The following TRAM2 variants were observed in gnomAD, a reference collection of about 807,000 sequenced individuals.
The protein encoded by TRAM2 is translocation associated membrane protein 2.
Under a neutral mutation model 51.0 loss-of-function variants are expected in TRAM2, and 12 were observed. The ratio of observed to expected loss-of-function variants is 0.24; its 90% CI spans 0.15 to 0.38. The LOEUF (loss-of-function observed/expected upper bound fraction) is 0.38, where lower values mean the gene tolerates loss of function less well. Among genes scored for constraint, TRAM2 ranks in the 10% least tolerant of loss-of-function variants. The pLI, the probability that TRAM2 is intolerant of heterozygous loss-of-function variation, is 1.00. For missense variants in TRAM2, 361 were observed against 462.0 expected (o/e 0.78, Z 2.00); for synonymous variants, 175 against 179.4 (o/e 0.98, Z 0.20).
rs9688915 is a variant in TRAM2 at position 52,506,141 on chromosome 6, G to A, written c.627-5C>T. The A allele has an allele frequency of 0.067, 107,524 of 1,612,948 alleles. 4,037 individuals carry two copies. Among genetic ancestry groups the A allele is most frequent in the East Asian group, 0.18 (8,052 of 44,866 alleles). ...ATCAGGCCCAGGCGGCTCAGGCTGG[G>A]GGTGGGGAAGACTAGACTTACATTC... On this transcript the variant is annotated splice_region_variant and splice_polypyrimidine_tract_variant and intron_variant, in intron 7 of 10. Transcript: ENST00000182527.
intron 1 of TRAM2, among the ~76,000 whole-genome samples, chr6:52,566,109 A>G (rs184965704): frequency 6.6e-6 from 1 of 152,350 alleles, no homozygotes; most frequent in East Asian, 1.9e-4. Flanking sequence ...AGGACACTTC[A>G]GTGATAAAGC....
At chr6:52,562,757 T>A (rs1164000185) in intron 1 of TRAM2, among the ~76,000 whole-genome samples, 1 of 152,124 alleles carries the variant, frequency 6.6e-6, no homozygotes, top group Non-Finnish European at 1.5e-5. Context: ...CCCCTCCCTA[T>A]GTCAACGTGT....
intron 1 of TRAM2, among the ~76,000 whole-genome samples, chr6:52,539,475 C>G (rs1360663899): frequency 6.6e-6 from 1 of 152,036 alleles, no homozygotes; most frequent in Non-Finnish European, 1.5e-5. Context: ...ACCTGAACGT[C>G]AGCACCATGA....
intron 2 of TRAM2, among the ~76,000 whole-genome samples, chr6:52,521,118 C>T (rs950093271): frequency 1.3e-4 from 20 of 151,814 alleles, no homozygotes; most frequent in Admixed American, 3.3e-4. Context: ...CCATGTTGGC[C>T]AGGCTGGTCT....
intron 1 of TRAM2, among the ~76,000 whole-genome samples, chr6:52,567,987 T>G (rs929629955): frequency 6.6e-6 from 1 of 152,232 alleles, no homozygotes; most frequent in African/African-American, 2.4e-5. Flanking sequence ...AATTTGAGTT[T>G]TATACACATT....
intron 2 of TRAM2, chr6:52,517,439 T>C (rs1766572599): frequency 6.6e-6 from 1 of 152,268 alleles, no homozygotes; most frequent in African/African-American, 2.4e-5. Flanking sequence ...ATGAGATAAT[T>C]TGCTTACAAC....
At chr6:52,542,222 T>G (rs924999380) in intron 1 of TRAM2, among the ~76,000 whole-genome samples, 1 of 151,730 alleles carries the variant, frequency 6.6e-6, no homozygotes, top group Admixed American at 6.6e-5. Flanking sequence ...CAAGAAAACC[T>G]TGGAAAGTTA....
At chr6:52,576,760 A>C in intron 1 of TRAM2, 36 bp downstream of exon 1, 1 of 1,605,910 alleles carries the variant, frequency 6.2e-7, no homozygotes, top group Non-Finnish European at 8.5e-7. Context: ...GACAGGGGGC[A>C]CTGTCCCTCC....
At chr6:52,551,655 T>G (rs1767311721) in intron 1 of TRAM2, among the ~76,000 whole-genome samples, 1 of 152,248 alleles carries the variant, frequency 6.6e-6, no homozygotes, top group Non-Finnish European at 1.5e-5. Context: ...GTTTGGAATC[T>G]GCTGAGTCTC....
At position 52,520,518 on chromosome 6, in the gene TRAM2, G is replaced by A. The variant is rs572902081; in HGVS notation, c.185-3781C>T. On this transcript the variant is annotated intron_variant, in intron 2 of 10. Transcript: ENST00000182527. ...AGAACCAGCTAACAGCTGGCTACGC[G>A]GATGGATTCTCAAGTTCCTTCTGGA... is the stretch of plus-strand genomic sequence containing the variant. Among the ~76,000 whole-genome samples, 6 of 152,332 alleles carry A rather than the reference G, an allele frequency of 3.9e-5. No individual in the cohort carries two copies. The South Asian group carries it at 6.2e-4, about 16-fold the overall frequency.
rs755344750 is a variant in TRAM2, at chr6:52,504,593, G to C, written c.1037C>G (p.Ser346Cys). ...CTGCCAAGGGCCCTGGCACTCACCA[G>C]ATTCCCTCTTGATGAGCCTGGCTGG... ...RLPARLIKRE[S>C]GYHENGVVKA... is the part of the protein sequence containing the mutation. Residue 346 changes from serine (S) to cysteine (C), a missense_variant and splice_region_variant, in exon 10 of 11, where the codon TCT becomes TGT. By Grantham distance (112) the Ser-to-Cys change is moderately radical. Coordinates refer to ENST00000182527, the MANE Select transcript of TRAM2 (RefSeq NM_012288.4). 6.2e-7 allele frequency: 1 copy of C among 1,613,996 alleles called. No homozygotes were observed. The highest frequency in any genetic ancestry group is 8.5e-7 in the Non-Finnish European group (1 of 1,180,044).
Position 52,501,910 on chromosome 6 carries a change from C to G in TRAM2, c.*1287G>C, listed in dbSNP as rs1766235550. On this transcript the variant is annotated 3_prime_UTR_variant, in exon 11 of 11. Transcript: ENST00000182527. ...AAGTCCTCACAAGGCACCAAAAGGACTTGGAGGCCTTCTCTTCAGGTGGAG... is the reference window on the plus strand; with the variant it reads ...AAGTCCTCACAAGGCACCAAAAGGAGTTGGAGGCCTTCTCTTCAGGTGGAG... 6.6e-6 allele frequency: 1 copy of G among 152,196 alleles called. No homozygotes were observed. Among genetic ancestry groups the G allele is most frequent in the Non-Finnish European group, 1.5e-5 (1 of 68,054 alleles). The allele number at this position is 152,196 out of a possible 1,614,324, so 9.4% of individuals were successfully genotyped here.
intron 1 of TRAM2, among the ~76,000 whole-genome samples, chr6:52,545,693 AG>A (rs1181357177): frequency 6.6e-6 from 1 of 151,730 alleles, no homozygotes; most frequent in African/African-American, 2.4e-5. Context: ...ACCAACCCCA[AG>A]TGCTGTTTCT....
At chr6:52,539,179 T>C (rs1767031822) in intron 1 of TRAM2, among the ~76,000 whole-genome samples, 1 of 152,076 alleles carries the variant, frequency 6.6e-6, no homozygotes, top group Admixed American at 6.5e-5. Context: ...TTTTAAATAG[T>C]GAAATCACCA....
chr6:52,536,349 C>G (rs371031062), intron 1 of TRAM2, among the ~76,000 whole-genome samples: 2 of 152,238 alleles, frequency 1.3e-5, no homozygotes, highest in Admixed American at 6.5e-5. Context: ...AATTTCACAT[C>G]TACCTTACTG....
At chr6:52,516,504 C>T (rs73447916) in intron 3 of TRAM2, 124 bp downstream of exon 3, 1 of 798,262 alleles carries the variant, frequency 1.3e-6, no homozygotes, top group African/African-American at 1.7e-5. Flanking sequence ...AGGCAATAGA[C>T]CCAACCAGTG....
chr6:52,560,356 C>A (rs749937194), intron 1 of TRAM2, among the ~76,000 whole-genome samples: 3 of 152,102 alleles, frequency 2.0e-5, no homozygotes, highest in Non-Finnish European at 4.4e-5. Flanking sequence ...TGTGTATGAT[C>A]TTTCCAGGTG....
intron 1 of TRAM2, among the ~76,000 whole-genome samples, chr6:52,565,551 C>T (rs1767576376): frequency 6.6e-6 from 1 of 152,002 alleles, no homozygotes; most frequent in Non-Finnish European, 1.5e-5. Flanking sequence ...TAAGAAGACC[C>T]CTAGATACTA....
intron 1 of TRAM2, among the ~76,000 whole-genome samples, chr6:52,549,293 G>C: frequency 8.7e-6 from 1 of 115,148 alleles, no homozygotes; most frequent in Admixed American, 1.0e-4. Context: ...CCTTCCAAAA[G>C]CTGCCCAAAA....
Sources: gnomAD v4.1 joint callset for allele counts (sites outside exome capture counted in the v4.1 genomes callset) on GRCh38, gnomAD v4.1.1 for gene constraint, MANE v1.5 for transcripts, NCBI Gene and HGNC (gene_info 2026-07-23, HGNC 2026-07-21) for gene names.